Variants in SEPTIN9 observed in about 807,000 individuals in gnomAD.
SEPTIN9 encodes septin 9, also known as septin-9.
A neutral mutation model predicts 56.6 loss-of-function variants in SEPTIN9; 13 were observed. The ratio of observed to expected loss-of-function variants is 0.23; its 90% CI spans 0.15 to 0.37. The LOEUF is 0.37. Ranked by LOEUF, SEPTIN9 falls within the 10% of genes least tolerant of loss-of-function variation. SEPTIN9 has a pLI of 1.00. For synonymous variants in SEPTIN9, 332 were observed against 334.1 expected (o/e 0.99, Z 0.07); for missense variants, 650 against 823.1 (o/e 0.79, Z 2.57).
intron 3 of SEPTIN9, among the ~76,000 whole-genome samples, chr17:77,420,042 C>T (rs116618502): frequency 0.021 from 3,128 of 152,208 alleles, 84 homozygotes; most frequent in South Asian, 0.076. Flanking sequence ...AACTGGAGCT[C>T]ATGGTCCCTC....
At chr17:77,340,419 G>A (rs1263740481) in intron 2 of SEPTIN9, among the ~76,000 whole-genome samples, 1 of 152,206 alleles carries the variant, frequency 6.6e-6, no homozygotes, top group Non-Finnish European at 1.5e-5. Context: ...GGGATTACAG[G>A]CGTGAGTTGC....
At chr17:77,373,740 G>C (rs1264264055) in intron 2 of SEPTIN9, 3 of 1,224,486 alleles carry the variant, frequency 2.5e-6, no homozygotes, top group Admixed American at 7.3e-5. Context: ...CCGCCTACGT[G>C]GGGGACCCTG....
chr17:77,289,168 CT>C (rs1360544005), intron 1 of SEPTIN9, among the ~76,000 whole-genome samples: 7 of 152,196 alleles, frequency 4.6e-5, no homozygotes, highest in African/African-American at 7.2e-5. Context: ...TCAATCTTGG[CT>C]CACTGCAACC....
Position 77,405,205 on chromosome 17 carries a change from C to T in SEPTIN9, c.721+2502C>T. 3.6e-6 allele frequency: 5 copies of T among 1,405,004 alleles called. No individual in the cohort carries two copies. The highest frequency in any genetic ancestry group is 4.8e-6 in the Non-Finnish European group (5 of 1,033,500). 87.0% of individuals were successfully genotyped at this position (1,405,004 alleles called of 1,614,324 possible). ...TCCAGGGGCAGACACAGTTTAGCCCCTAAATTGTGCCAGAGACTGTGCCGG... is the reference window on the plus strand; with the variant it reads ...TCCAGGGGCAGACACAGTTTAGCCCTTAAATTGTGCCAGAGACTGTGCCGG... On this transcript the variant is annotated intron_variant, in intron 3 of 11. Coordinates refer to ENST00000427177, the MANE Select transcript of SEPTIN9 (RefSeq NM_001113491.2). This position sits in a 1 kb window ranked among gnomAD's most constrained non-coding sequence, Gnocchi z 5.8.
At chr17:77,458,854 T>C (rs1374037260) in intron 3 of SEPTIN9, among the ~76,000 whole-genome samples, 1 of 151,966 alleles carries the variant, frequency 6.6e-6, no homozygotes, top group Non-Finnish European at 1.5e-5. Context: ...GGCGCAGGAG[T>C]GTGAGCTGCA....
chr17:77,432,222 A>G (rs771370353), intron 3 of SEPTIN9, among the ~76,000 whole-genome samples: 10 of 152,216 alleles, frequency 6.6e-5, no homozygotes, highest in African/African-American at 1.9e-4. Context: ...AAAATGGGCT[A>G]ATAGAAATGT....
intron 3 of SEPTIN9, among the ~76,000 whole-genome samples, chr17:77,467,965 GTA>G (rs1196101171): frequency 6.6e-6 from 1 of 152,164 alleles, no homozygotes; most frequent in African/African-American, 2.4e-5. Flanking sequence ...GGCCACGTGT[GTA>G]AGAACTGAGG....
At chr17:77,413,837 C>T (rs1428514551) in intron 3 of SEPTIN9, among the ~76,000 whole-genome samples, 1 of 151,418 alleles carries the variant, frequency 6.6e-6, no homozygotes, top group Admixed American at 6.6e-5. Flanking sequence ...AACCAGGACA[C>T]ACCTATATAT....
chr17:77,498,197 C>T (rs1190229173), intron 11 of SEPTIN9, among the ~76,000 whole-genome samples: 1 of 152,040 alleles, frequency 6.6e-6, no homozygotes, highest in African/African-American at 2.4e-5. Flanking sequence ...TGCTCCAGCC[C>T]TGTCCCTCTG....
chr17:77,418,674 G>A (rs903075284), intron 3 of SEPTIN9, among the ~76,000 whole-genome samples: 9 of 152,156 alleles, frequency 5.9e-5, no homozygotes, highest in Non-Finnish European at 1.0e-4. Context: ...TCTTAAGGCC[G>A]TGAGGATGTC....
intron 3 of SEPTIN9, among the ~76,000 whole-genome samples, chr17:77,410,523 G>T (rs1484615145): frequency 6.6e-6 from 1 of 152,224 alleles, no homozygotes; most frequent in East Asian, 1.9e-4. Flanking sequence ...CCACTCGTGT[G>T]TGGGGAAATG....
At chr17:77,324,038 G>A (rs965633138) in intron 2 of SEPTIN9, among the ~76,000 whole-genome samples, 6 of 152,194 alleles carry the variant, frequency 3.9e-5, no homozygotes, top group Non-Finnish European at 7.3e-5. Context: ...CCTGCTTCTC[G>A]CCTCTGGCAG....
chr17:77,495,394 G>T (rs1024879347), intron 10 of SEPTIN9, among the ~76,000 whole-genome samples: 3 of 152,226 alleles, frequency 2.0e-5, no homozygotes, highest in African/African-American at 7.2e-5. Flanking sequence ...ACCCGGACTA[G>T]TAAGGGCTGT....
At chr17:77,341,510 C>T (rs2033723328) in intron 2 of SEPTIN9, among the ~76,000 whole-genome samples, 1 of 152,250 alleles carries the variant, frequency 6.6e-6, no homozygotes, top group African/African-American at 2.4e-5. Flanking sequence ...CGCGGTGGCC[C>T]ATGCCTGTAA....
intron 3 of SEPTIN9, among the ~76,000 whole-genome samples, chr17:77,462,808 A>G (rs894024932): frequency 1.3e-5 from 2 of 151,890 alleles, no homozygotes; most frequent in East Asian, 3.9e-4. Context: ...CACCCGGCTG[A>G]TTTTTGTATT....
rs115820259 is a variant in SEPTIN9 at position 77,488,453 on chromosome 17, A to G, written c.1124+132A>G. The G allele has an allele frequency of 5.7e-3, 5,110 of 899,126 alleles. 177 individuals are homozygous for G. The African/African-American group carries it at 0.074, about 13-fold the overall frequency. 55.7% of individuals were successfully genotyped at this position (899,126 alleles called of 1,614,324 possible). ...ACCTCCTGGGACCTGACATGCTGCC[A>G]AAGCCGCACGTCTCAGGGGCCTGAA... On this transcript the variant is annotated intron_variant, in intron 6 of 11. Transcript: ENST00000427177.
chr17:77,423,535 G>A (rs527327752), intron 3 of SEPTIN9, among the ~76,000 whole-genome samples: 23 of 152,366 alleles, frequency 1.5e-4, no homozygotes, highest in Non-Finnish European at 1.5e-5. Context: ...CCTGAATGTG[G>A]GGGCCCCTGT....
At position 77,425,824 on chromosome 17, in the gene SEPTIN9, T is replaced by C. The variant is rs1181458372; in HGVS notation, c.721+23121T>C. On this transcript the variant is annotated intron_variant, in intron 3 of 11. Transcript: ENST00000427177. The surrounding 1 kb of genome is among the most constrained non-coding windows in gnomAD (Gnocchi z 4.2). ...GTGCGTGGAGCCAGAAGTCACAAGGTTGGCCCAGCTGTGTCTGACCCTGGT... is the reference window on the plus strand; with the variant it reads ...GTGCGTGGAGCCAGAAGTCACAAGGCTGGCCCAGCTGTGTCTGACCCTGGT... 1.3e-5 allele frequency among the ~76,000 whole-genome samples: 2 copies of C among 151,792 alleles called. No individual in the cohort carries two copies. Among genetic ancestry groups the C allele is most frequent in the African/African-American group, 2.4e-5 (1 of 41,320 alleles).
rs80085497 is a variant in SEPTIN9, at chr17:77,465,574, C to T, written c.722-16570C>T. Among the ~76,000 whole-genome samples, 12 of 149,204 alleles carry T rather than the reference C, an allele frequency of 8.0e-5. No homozygotes were observed. In the East Asian group the frequency reaches 2.5e-3, roughly 31 times the overall value. ...TTTGTTTTATCTTGAGTCCAGGCCT[C>T]GCTCCATGAACTAGGATGAATGGAC... On this transcript the variant is annotated intron_variant, in intron 3 of 11. Coordinates refer to ENST00000427177, the MANE Select transcript of SEPTIN9 (RefSeq NM_001113491.2).
Sources: allele counts gnomAD v4.1 joint callset (sites outside exome capture counted in the v4.1 genomes callset), GRCh38; gene constraint gnomAD v4.1.1; non-coding constraint Gnocchi (gnomAD v3.1); transcripts MANE v1.5; gene names NCBI Gene and HGNC (gene_info 2026-07-23, HGNC 2026-07-21).